Variants in RIPOR1 observed in about 807,000 individuals in gnomAD.
RIPOR1 encodes the protein RHO family interacting cell polarization regulator 1.
In RIPOR1, 58 loss-of-function variants were observed where a neutral mutation model predicts 116.5. The observed-to-expected ratio is 0.50, with a 90% CI of 0.40 to 0.62. The LOEUF is 0.62. RIPOR1 is among the 20% of genes least tolerant of loss of function. The pLI is 0.00. For synonymous variants in RIPOR1, 605 were observed against 650.0 expected, an observed-to-expected ratio of 0.93 and a Z score of 1.05; for missense variants, 1,372 against 1,586.2, an observed-to-expected ratio of 0.86 and a Z score of 2.29.
Position 67,545,653 on chromosome 16 carries a change from CCT to C in RIPOR1, c.3191-10_3191-9del, listed in dbSNP as rs759347572. 4 of 1,568,238 alleles carry C rather than the reference CCT, an allele frequency of 2.6e-6. No individual in the cohort carries two copies. Among genetic ancestry groups the C allele is most frequent in the Non-Finnish European group, 3.5e-6 (4 of 1,155,456 alleles). On this transcript the variant is annotated splice_polypyrimidine_tract_variant and intron_variant, in intron 18 of 21. Transcript: ENST00000042381. This position sits in a 1 kb window ranked among gnomAD's most constrained non-coding sequence, Gnocchi z 4.8. Reference sequence around the variant, plus strand: ...CCTTGCCCACCCACCCACCATATCCCCTTTTTTCAGTGCTACTGGTGCGGAAT... The same window carrying C: ...CCTTGCCCACCCACCCACCATATCCCTTTTTCAGTGCTACTGGTGCGGAAT...
intron 1 of RIPOR1, among the ~76,000 whole-genome samples, chr16:67,532,892 T>A (rs2050697268): frequency 6.6e-6 from 1 of 152,204 alleles, no homozygotes; most frequent in East Asian, 1.9e-4. Flanking sequence ...AATGGATGAT[T>A]GCAGGTTAGA....
intron 1 of RIPOR1, among the ~76,000 whole-genome samples, chr16:67,536,319 G>A (rs1196257984): frequency 6.6e-6 from 1 of 152,160 alleles, no homozygotes; most frequent in Non-Finnish European, 1.5e-5. Flanking sequence ...ATAGTGGCGG[G>A]TGTTTGTAAT....
chr16:67,535,127 A>ACCAC lies in RIPOR1; in HGVS notation c.-23-3295_-23-3292dup, dbSNP rs375150511. 6.6e-5 allele frequency among the ~76,000 whole-genome samples: 10 copies of ACCAC among 152,198 alleles called. No homozygotes were observed. The East Asian group carries it at 1.9e-3, about 29-fold the overall frequency. The stretch of plus-strand genomic sequence containing the variant: ...CAAAGTGTTGGGATTATAGGCATGA[A>ACCAC]CCACCACACCCAGCCCGTTTTTATT... On this transcript the variant is annotated intron_variant, in intron 1 of 21. Coordinates refer to ENST00000042381, the MANE Select transcript of RIPOR1 (RefSeq NM_024519.4).
Position 67,546,040 on chromosome 16 carries a change from CT to C in RIPOR1, c.3471+9del. On this transcript the variant is annotated intron_variant, in intron 20 of 21. Coordinates refer to ENST00000042381, the MANE Select transcript of RIPOR1 (RefSeq NM_024519.4). Reference sequence around the variant, plus strand: ...GCCCTAGGCTGCATCAAGGTGACCCCTGCCAACCCTCCCACCCCTCTGTCCG... The same window carrying C: ...GCCCTAGGCTGCATCAAGGTGACCCCGCCAACCCTCCCACCCCTCTGTCCG... 3.1e-6 allele frequency: 5 copies of C among 1,612,578 alleles called. No individual in the cohort carries two copies. The highest frequency in any genetic ancestry group is 4.2e-6 in the Non-Finnish European group (5 of 1,179,850).
Position 67,545,810 on chromosome 16 carries a change from G to A in RIPOR1, c.3337G>A (p.Val1113Ile), listed in dbSNP as rs746241775. 7 of 1,611,274 alleles carry A rather than the reference G, an allele frequency of 4.3e-6. No homozygotes were observed. The highest frequency in any genetic ancestry group is 1.3e-5 in the African/African-American group (1 of 74,890). Residue 1113 changes from valine to isoleucine, a missense_variant, in exon 19 of 22, where the codon GTC becomes ATC. Coordinates refer to ENST00000042381, the MANE Select transcript of RIPOR1 (RefSeq NM_024519.4). The surrounding 1 kb of genome is among the most constrained non-coding windows in gnomAD (Gnocchi z 4.8). Reference sequence around the variant, plus strand: ...TGGCAACAACAAGGTCATGGCTGCTGTCAGCACCCAGCTCCGGAGCCTGTC... The same window carrying A: ...TGGCAACAACAAGGTCATGGCTGCTATCAGCACCCAGCTCCGGAGCCTGTC... ...VHGNNKVMAAVSTQLRSLSLG... is the reference protein window; with the variant it reads ...VHGNNKVMAAISTQLRSLSLG...
Position 67,543,085 on chromosome 16 carries a change from G to T in RIPOR1, c.2299G>T (p.Asp767Tyr). ...CCCAACCCCTGCACCCCAGCATTCA[G>T]ACCTTTGCCTGGCCATGGCTGTCCA... ...SPPTPAPQHS[D>Y]LCLAMAVQTP... The change falls in exon 13 of 22, where the codon GAC (aspartate) becomes TAC (tyrosine). Residue 767 changes from aspartate (D) to tyrosine (Y), a missense_variant. Physicochemically the swap from Asp to Tyr is radical, Grantham distance 160 (BLOSUM62 -3). Transcript: ENST00000042381. This position sits in a 1 kb window ranked among gnomAD's most constrained non-coding sequence, Gnocchi z 4.7. 5 of 1,522,482 alleles carry T rather than the reference G, an allele frequency of 3.3e-6. No homozygotes were observed. Among genetic ancestry groups the T allele is most frequent in the Non-Finnish European group, 3.5e-6 (4 of 1,137,252 alleles). 94.3% of individuals were successfully genotyped at this position (1,522,482 alleles called of 1,614,324 possible).
intron 1 of RIPOR1, among the ~76,000 whole-genome samples, chr16:67,520,338 G>A (rs1297433670): frequency 6.7e-6 from 1 of 149,450 alleles, no homozygotes; most frequent in Non-Finnish European, 1.5e-5. Context: ...CTGAGATCGC[G>A]CCACTGCACT....
At chr16:67,524,529 C>T (rs1187140398), upstream of RIPOR1, among the ~76,000 whole-genome samples, 1 of 152,180 alleles carries the variant, frequency 6.6e-6, no homozygotes, top group East Asian at 1.9e-4. Flanking sequence ...TGTCCAGCTG[C>T]CTTCTGGACA....
Position 67,542,769 on chromosome 16 carries a change from C to T in RIPOR1, c.1983C>T (p.Thr661=). ...VQTATSPTHP[T]TSPTHPTTSP... Reference sequence around the variant, plus strand: ...CTGCCACAAGTCCCACCCATCCTACCACAAGCCCCACCCATCCCACCACAA... The same window carrying T: ...CTGCCACAAGTCCCACCCATCCTACTACAAGCCCCACCCATCCCACCACAA... The change falls in exon 13 of 22, where the codon ACC becomes ACT. Residue 661 remains threonine (T), a synonymous_variant. Transcript: ENST00000042381. This position sits in a 1 kb window ranked among gnomAD's most constrained non-coding sequence, Gnocchi z 4.6. The T allele has an allele frequency of 1.9e-6, 3 of 1,613,142 alleles. No individual in the cohort carries two copies. Among genetic ancestry groups the T allele is most frequent in the Non-Finnish European group, 2.5e-6 (3 of 1,179,640 alleles).
chr16:67,536,079 T>G (rs2050786817), intron 1 of RIPOR1, among the ~76,000 whole-genome samples: 1 of 151,930 alleles, frequency 6.6e-6, no homozygotes, highest in Admixed American at 6.6e-5. Flanking sequence ...TGGGGGAGCA[T>G]CCAGCCCCTC....
Position 67,532,462 on chromosome 16 carries a change from G to A in RIPOR1, c.-24+3548G>A, listed in dbSNP as rs186369064. Among the ~76,000 whole-genome samples, 212 of 150,450 alleles carry A rather than the reference G, an allele frequency of 1.4e-3. 2 individuals are homozygous for A. Among genetic ancestry groups the A allele is most frequent in the Middle Eastern group, 0.011 (3 of 276 alleles). On this transcript the variant is annotated intron_variant, in intron 1 of 21. Coordinates refer to ENST00000042381, the MANE Select transcript of RIPOR1 (RefSeq NM_024519.4). ...GACCTGGGTGACAGCGTGAGACCTC[G>A]TCTTAAAAAAAAAAAAATTAGGTAT...
chr16:67,529,155 TC>T lies in RIPOR1; in HGVS notation c.-24+243del, dbSNP rs2050587905. On this transcript the variant is annotated intron_variant, in intron 1 of 21. Coordinates refer to ENST00000042381, the MANE Select transcript of RIPOR1 (RefSeq NM_024519.4). This position sits in a 1 kb window ranked among gnomAD's most constrained non-coding sequence, Gnocchi z 4.1. ...CCTGCAGAGCCTGGCGCTGCTGCCT[TC>T]CTCCCACGGCAAGGCCCTGGCGGCC... Among the ~76,000 whole-genome samples the T allele has an allele frequency of 6.6e-6, 1 of 152,120 alleles. No individual in the cohort carries two copies. Among genetic ancestry groups the T allele is most frequent in the South Asian group, 2.1e-4 (1 of 4,836 alleles).
chr16:67,544,264 T>C lies in RIPOR1; in HGVS notation c.2601-35T>C. The C allele has an allele frequency of 6.3e-7, 1 of 1,577,558 alleles. No homozygotes were observed. Among genetic ancestry groups the C allele is most frequent in the Non-Finnish European group, 8.7e-7 (1 of 1,154,366 alleles). Reference sequence around the variant, plus strand: ...ACGCTGGTGACCAGGTGGTGATGTGTGCCTGTGGGGTGGTGGACCCCATTT... The same window carrying C: ...ACGCTGGTGACCAGGTGGTGATGTGCGCCTGTGGGGTGGTGGACCCCATTT... On this transcript the variant is annotated intron_variant, in intron 14 of 21. Coordinates refer to ENST00000042381, the MANE Select transcript of RIPOR1 (RefSeq NM_024519.4). The surrounding 1 kb of genome is among the most constrained non-coding windows in gnomAD (Gnocchi z 5.1).
At chr16:67,525,252 A>AC (rs1473654883), upstream of RIPOR1, among the ~76,000 whole-genome samples, 1 of 152,148 alleles carries the variant, frequency 6.6e-6, no homozygotes, top group Non-Finnish European at 1.5e-5. Context: ...GCATTTGGGG[A>AC]CTTGGGAGGT....
chr16:67,544,183 G>A lies in RIPOR1; in HGVS notation c.2601-116G>A. 1 of 1,347,632 alleles carries A rather than the reference G, an allele frequency of 7.4e-7. No homozygotes were observed. The highest frequency in any genetic ancestry group is 1.0e-6 in the Non-Finnish European group (1 of 986,032). 83.5% of individuals were successfully genotyped at this position (1,347,632 alleles called of 1,614,324 possible). A position where few individuals can be genotyped will look rare whatever the true frequency, so the allele number is the denominator to read the frequency against. ...CCTCCATGAACTTACCCCACTGTCT[G>A]CTGTCGGTGCATCATCTTCTTCCTT... On this transcript the variant is annotated intron_variant, in intron 14 of 21. Transcript: ENST00000042381. This position sits in a 1 kb window ranked among gnomAD's most constrained non-coding sequence, Gnocchi z 5.1.
intron 1 of RIPOR1, among the ~76,000 whole-genome samples, chr16:67,535,063 G>A (rs1197334351): frequency 6.6e-6 from 1 of 151,874 alleles, no homozygotes; most frequent in Non-Finnish European, 1.5e-5. Context: ...AGCTGGTCTC[G>A]AACTCCTGAC....
upstream of RIPOR1, among the ~76,000 whole-genome samples, chr16:67,526,429 C>A (rs2142398469): frequency 6.6e-6 from 1 of 152,238 alleles, no homozygotes; most frequent in African/African-American, 2.4e-5. Context: ...TATGGACTAT[C>A]TTCTGGAGTG....
chr16:67,544,829 A>C lies in RIPOR1; in HGVS notation c.2868A>C (p.Glu956Asp), dbSNP rs763916173. ...RWEIPASSAQ[E>D]VVQFSASRPG... is the part of the protein sequence containing the mutation. ...AGATCCCGGCCAGCTCTGCCCAGGA[A>C]GGTAAAGGCCCTGGGGGTTCGGGCT... Residue 956 changes from glutamate (E) to aspartate (D), a missense_variant and splice_region_variant, in exon 16 of 22, where the codon GAA becomes GAC. By Grantham distance (45) the Glu-to-Asp change is conservative. This residue lies in a region of RIPOR1 where 1,005 missense variants were observed against 1,144.7 expected (regional missense o/e 0.88). Coordinates refer to ENST00000042381, the MANE Select transcript of RIPOR1 (RefSeq NM_024519.4). The surrounding 1 kb of genome is among the most constrained non-coding windows in gnomAD (Gnocchi z 5.1). 1 of 1,592,488 alleles carries C rather than the reference A, an allele frequency of 6.3e-7. No homozygotes were observed. Among genetic ancestry groups the C allele is most frequent in the Non-Finnish European group, 8.6e-7 (1 of 1,165,248 alleles).
chr16:67,523,585 G>C (rs1352672191), intron 1 of RIPOR1, among the ~76,000 whole-genome samples: 1 of 148,266 alleles, frequency 6.7e-6, no homozygotes, highest in Non-Finnish European at 1.5e-5. Flanking sequence ...ATGTTTTCCT[G>C]CATGAACAGC....
Sources: gnomAD v4.1 joint callset for allele counts (sites outside exome capture counted in the v4.1 genomes callset) on GRCh38, gnomAD v4.1.1 for gene constraint, gnomAD v4.1.1 regional missense constraint, Gnocchi (gnomAD v3.1) non-coding constraint, MANE v1.5 for transcripts, NCBI Gene and HGNC (gene_info 2026-07-23, HGNC 2026-07-21) for gene names.